FRS2: variants seen among roughly 807,000 people sequenced by gnomAD.
FRS2 encodes the protein fibroblast growth factor receptor substrate 2.
In FRS2, 8 loss-of-function variants were observed where a neutral mutation model predicts 43.9. The ratio of observed to expected loss-of-function variants is 0.18; its 90% confidence interval spans 0.11 to 0.33. FRS2 has a LOEUF of 0.33. Among genes scored for constraint, FRS2 ranks in the 10% least tolerant of loss-of-function variants. The pLI, the probability that FRS2 is intolerant of heterozygous loss-of-function variation, is 1.00. For missense variants in FRS2, 534 were observed against 627.6 expected, an observed-to-expected ratio of 0.85 and a Z score of 1.59; for synonymous variants, 219 against 220.3, an observed-to-expected ratio of 0.99 and a Z score of 0.05.
chr12:69,485,117 A>ACGCGCGCG (rs1256620607), intron 1 of FRS2, among the ~76,000 whole-genome samples: 19 of 147,860 alleles, frequency 1.3e-4, no homozygotes, highest in African/African-American at 4.6e-4. Flanking sequence ...ACACACACAC[A>ACGCGCGCG]CACACACACA....
chr12:69,504,474 T>A (rs1306946568), intron 1 of FRS2, among the ~76,000 whole-genome samples: 1 of 152,206 alleles, frequency 6.6e-6, no homozygotes, highest in East Asian at 1.9e-4. Context: ...GATCCCTGAT[T>A]TACAATGGTG....
intron 1 of FRS2, among the ~76,000 whole-genome samples, chr12:69,511,775 A>G (rs1874480181): frequency 6.6e-6 from 1 of 152,170 alleles, no homozygotes; most frequent in South Asian, 2.1e-4. Flanking sequence ...TCTTCCATCT[A>G]TAAAATGGGC....
chr12:69,478,601 T>G (rs1352916203), intron 1 of FRS2, among the ~76,000 whole-genome samples: 1 of 152,190 alleles, frequency 6.6e-6, no homozygotes, highest in Non-Finnish European at 1.5e-5. Context: ...TTTCTTTGAA[T>G]TTTGAAGACC....
Position 69,495,109 on chromosome 12 carries a change from T to G in FRS2, c.-261+24579T>G, listed in dbSNP as rs373365169. On this transcript the variant is annotated intron_variant, in intron 1 of 8. Coordinates refer to ENST00000549921, the MANE Select transcript of FRS2 (RefSeq NM_001278356.2). ...AATTCAGTATTCCCTGGTATCGATA[T>G]GAGGACTAAATCTCCTACACACTTA... 1.2e-3 allele frequency among the ~76,000 whole-genome samples: 177 copies of G among 152,266 alleles called. 3 individuals carry two copies. The highest frequency in any genetic ancestry group is 5.3e-3 in the Admixed American group (81 of 15,294).
At chr12:69,535,244 G>T (rs963482220) in intron 3 of FRS2, among the ~76,000 whole-genome samples, 1 of 152,190 alleles carries the variant, frequency 6.6e-6, no homozygotes, top group Non-Finnish European at 1.5e-5. Flanking sequence ...TACCTGAGAT[G>T]CTGTTAAGAT....
At chr12:69,497,155 A>G (rs973648712) in intron 1 of FRS2, among the ~76,000 whole-genome samples, 35 of 152,216 alleles carry the variant, frequency 2.3e-4, no homozygotes, top group African/African-American at 7.5e-4. Flanking sequence ...TCCTGCACTC[A>G]TGTAGCCTAC....
chr12:69,566,942 C>T (rs1880351680), intron 4 of FRS2, among the ~76,000 whole-genome samples: 1 of 152,176 alleles, frequency 6.6e-6, no homozygotes, highest in Non-Finnish European at 1.5e-5. Flanking sequence ...GCCTCACTTT[C>T]TCCTGAATGT....
At chr12:69,493,708 C>T (rs931542603) in intron 1 of FRS2, among the ~76,000 whole-genome samples, 2 of 151,960 alleles carry the variant, frequency 1.3e-5, no homozygotes, top group African/African-American at 2.4e-5. Context: ...GCAACAAGAG[C>T]GAAACTCCGC....
intron 3 of FRS2, among the ~76,000 whole-genome samples, chr12:69,560,473 A>G (rs1425293081): frequency 2.0e-5 from 3 of 152,202 alleles, no homozygotes; most frequent in Admixed American, 2.0e-4. Flanking sequence ...CACTGTTTTA[A>G]GATTTTTGCG....
chr12:69,549,351 T>C (rs937077536), intron 3 of FRS2, among the ~76,000 whole-genome samples: 4 of 152,224 alleles, frequency 2.6e-5, no homozygotes, highest in Non-Finnish European at 5.9e-5. Context: ...ATTTAAGTAT[T>C]TAAAAGCTGT....
Position 69,573,102 on chromosome 12 carries a change from GGATTACAGGCGTGA to G in FRS2, c.576+823_576+836del, listed in dbSNP as rs1880900212. On this transcript the variant is annotated intron_variant, in intron 8 of 8. Coordinates refer to ENST00000549921, the MANE Select transcript of FRS2 (RefSeq NM_001278356.2). ...CCTGCCCCGGCCTCCCAAAGTGTTG[GGATTACAGGCGTGA>G]GCCACTGTGCCCGACCCTTGTAAAT... Among the ~76,000 whole-genome samples, 6 of 152,114 alleles carry G rather than the reference GGATTACAGGCGTGA, an allele frequency of 3.9e-5. No individual in the cohort carries two copies. In the South Asian group the frequency reaches 1.2e-3, roughly 32 times the overall value.
At chr12:69,510,731 A>G (rs992078268) in intron 1 of FRS2, among the ~76,000 whole-genome samples, 2 of 152,192 alleles carry the variant, frequency 1.3e-5, no homozygotes, top group African/African-American at 4.8e-5. Context: ...AGACAATAAT[A>G]GCTAGCATGG....
chr12:69,538,532 C>T (rs565457842), intron 3 of FRS2, among the ~76,000 whole-genome samples: 137 of 151,602 alleles, frequency 9.0e-4, no homozygotes, highest in African/African-American at 3.1e-3. Context: ...TGATTCATGC[C>T]TTTTTATATG....
intron 3 of FRS2, among the ~76,000 whole-genome samples, chr12:69,553,612 T>C (rs1879092893): frequency 6.6e-6 from 1 of 152,160 alleles, no homozygotes; most frequent in Non-Finnish European, 1.5e-5. Flanking sequence ...AAAACAACTT[T>C]TGGGAGGCAT....
chr12:69,480,696 T>G (rs1206048591), intron 1 of FRS2, among the ~76,000 whole-genome samples: 1 of 152,246 alleles, frequency 6.6e-6, no homozygotes, highest in East Asian at 1.9e-4. Flanking sequence ...CAGTTCCTTC[T>G]TAAGACTATC....
chr12:69,557,594 TTGTGTGTG>T (rs376896422), intron 3 of FRS2, among the ~76,000 whole-genome samples: 54 of 137,078 alleles, frequency 3.9e-4, no homozygotes, highest in Non-Finnish European at 7.2e-4. Flanking sequence ...TGAAGGTTGA[TTGTGTGTG>T]TGTGTGTGTG....
At chr12:69,481,525 A>G (rs1871344091) in intron 1 of FRS2, among the ~76,000 whole-genome samples, 1 of 152,036 alleles carries the variant, frequency 6.6e-6, no homozygotes, top group South Asian at 2.1e-4. Flanking sequence ...CTTGGGCTCA[A>G]GCTATCCTGT....
chr12:69,557,640 G>C (rs1004962327), intron 3 of FRS2: 2 of 146,788 alleles, frequency 1.4e-5, no homozygotes, highest in African/African-American at 5.2e-5. Context: ...GCGCGCGCAG[G>C]TGCATGCACG....
chr12:69,562,318 T>A (rs1353871623), intron 4 of FRS2, 44 bp downstream of exon 4: 1 of 397,954 alleles, frequency 2.5e-6, no homozygotes, highest in Admixed American at 4.4e-5. Flanking sequence ...AAGCCTACAT[T>A]TACAATTATT....
Sources: gnomAD v4.1 joint callset for allele counts (sites outside exome capture counted in the v4.1 genomes callset) on GRCh38, gnomAD v4.1.1 for gene constraint, MANE v1.5 for transcripts, NCBI Gene and HGNC (gene_info 2026-07-23, HGNC 2026-07-21) for gene names.